The following GLIS3 variants were observed in gnomAD, a reference collection of about 807,000 sequenced individuals.
The protein encoded by GLIS3 is GLIS family zinc finger 3, also known as zinc finger protein GLIS3.
A neutral mutation model predicts 78.6 loss-of-function variants in GLIS3; 53 were observed. That is an observed-to-expected ratio of 0.67 (90% CI 0.54 to 0.85). GLIS3 has a LOEUF of 0.85. Among genes scored for constraint, GLIS3 ranks in the 40% least tolerant of loss-of-function variants. The pLI is 0.00. For synonymous variants in GLIS3, 684 were observed against 509.9 expected (o/e 1.34, Z -4.60); for missense variants, 1,703 against 1,231.1 (o/e 1.38, Z -5.74).
intron 2 of GLIS3, among the ~76,000 whole-genome samples, chr9:4,246,151 T>C (rs936640480): frequency 2.0e-5 from 3 of 152,098 alleles, no homozygotes; most frequent in Admixed American, 2.0e-4. Context: ...CTGAGGCAAG[T>C]AGTTCAAGGC....
the GLIS3 span, among the ~76,000 whole-genome samples, chr9:4,484,628 G>C: frequency 6.6e-6 from 1 of 151,836 alleles, no homozygotes; most frequent in African/African-American, 2.4e-5. Flanking sequence ...TGTTGGCCAG[G>C]CTAGGCTCGA....
intron 2 of GLIS3, among the ~76,000 whole-genome samples, chr9:4,332,551 C>G (rs1373586234): frequency 6.6e-6 from 1 of 152,212 alleles, no homozygotes; most frequent in Non-Finnish European, 1.5e-5. Context: ...GCCTTGCACC[C>G]AGATGGAAGC....
chr9:4,241,799 CAGCCTCCCAAGT>C (rs1487215388), intron 2 of GLIS3, among the ~76,000 whole-genome samples: 1 of 152,140 alleles, frequency 6.6e-6, no homozygotes, highest in African/African-American at 2.4e-5. Context: ...TCTCATTTCT[CAGCCTCCCAAGT>C]AGGTGTGATT....
the GLIS3 span, among the ~76,000 whole-genome samples, chr9:4,393,079 C>T: frequency 6.6e-6 from 1 of 151,990 alleles, no homozygotes; most frequent in East Asian, 1.9e-4. Flanking sequence ...TTATTGTAAT[C>T]AATGGCAGTC....
At chr9:4,354,796 T>C in the GLIS3 span, among the ~76,000 whole-genome samples, 5 of 152,122 alleles carry the variant, frequency 3.3e-5, no homozygotes, top group African/African-American at 1.2e-4. Context: ...AGTCATTCCT[T>C]TGGAATAAGC....
the GLIS3 span, among the ~76,000 whole-genome samples, chr9:4,460,221 A>G: frequency 6.6e-6 from 1 of 152,230 alleles, no homozygotes; most frequent in Non-Finnish European, 1.5e-5. Context: ...ATGTGGATGG[A>G]GAAAGGGGGC....
chr9:4,035,330 T>C (rs1297497203), intron 4 of GLIS3, among the ~76,000 whole-genome samples: 1 of 152,000 alleles, frequency 6.6e-6, no homozygotes, highest in Non-Finnish European at 1.5e-5. Flanking sequence ...TAAAAGCTCC[T>C]GACCAGTGTA....
chr9:4,390,904 A>G, the GLIS3 span, among the ~76,000 whole-genome samples: 1 of 152,178 alleles, frequency 6.6e-6, no homozygotes, highest in Non-Finnish European at 1.5e-5. Flanking sequence ...TACCTTTTTA[A>G]AAAAGTTAAT....
At chr9:4,382,310 G>A in the GLIS3 span, among the ~76,000 whole-genome samples, 7 of 152,176 alleles carry the variant, frequency 4.6e-5, no homozygotes, top group Non-Finnish European at 7.3e-5. Flanking sequence ...AATGAAAACC[G>A]AAATTCAACT....
chr9:3,919,547 C>G (rs117144768), intron 6 of GLIS3, among the ~76,000 whole-genome samples: 1 of 151,310 alleles, frequency 6.6e-6, no homozygotes, highest in South Asian at 2.1e-4. Flanking sequence ...GCTTAATACC[C>G]GGGCAACAAA....
chr9:4,361,762 C>G, the GLIS3 span, among the ~76,000 whole-genome samples: 2 of 152,202 alleles, frequency 1.3e-5, no homozygotes, highest in African/African-American at 4.8e-5. Context: ...CTTTCCTTAC[C>G]TTGTTGTAAC....
chr9:4,107,295 G>A (rs1158959175), intron 4 of GLIS3, among the ~76,000 whole-genome samples: 1 of 152,112 alleles, frequency 6.6e-6, no homozygotes, highest in Non-Finnish European at 1.5e-5. Context: ...GTGTCCTCCT[G>A]GACACACAGG....
chr9:4,321,865 C>T (rs1158899486), intron 2 of GLIS3, among the ~76,000 whole-genome samples: 1 of 152,086 alleles, frequency 6.6e-6, no homozygotes, highest in African/African-American at 2.4e-5. Flanking sequence ...TACACTACCA[C>T]ACCCGATAAT....
intron 4 of GLIS3, among the ~76,000 whole-genome samples, chr9:3,983,383 G>A (rs1819463788): frequency 6.6e-6 from 1 of 152,114 alleles, no homozygotes; most frequent in Non-Finnish European, 1.5e-5. Flanking sequence ...CATGAGAACA[G>A]GCTCATACAG....
chr9:4,062,794 T>G (rs1826762090), intron 4 of GLIS3, among the ~76,000 whole-genome samples: 1 of 152,018 alleles, frequency 6.6e-6, no homozygotes, highest in Non-Finnish European at 1.5e-5. Flanking sequence ...CCAGGCACGG[T>G]GGCGGGCACC....
the GLIS3 span, among the ~76,000 whole-genome samples, chr9:4,488,657 T>C: frequency 0.013 from 1,956 of 152,032 alleles, 45 homozygotes; most frequent in African/African-American, 0.045. Flanking sequence ...ATAGCTGGGA[T>C]TACAGGTGCA....
At chr9:4,210,587 T>A (rs1369700803) in intron 2 of GLIS3, among the ~76,000 whole-genome samples, 1 of 152,234 alleles carries the variant, frequency 6.6e-6, no homozygotes, top group Non-Finnish European at 1.5e-5. Flanking sequence ...CTGGGACTCT[T>A]TTCTTATGTG....
the GLIS3 span, among the ~76,000 whole-genome samples, chr9:4,406,320 C>A: frequency 6.6e-6 from 1 of 152,106 alleles, no homozygotes; most frequent in African/African-American, 2.4e-5. Context: ...ATACATTGTT[C>A]TTTTTTTCTT....
chr9:4,053,961 T>C (rs960425513), intron 4 of GLIS3, among the ~76,000 whole-genome samples: 1 of 152,210 alleles, frequency 6.6e-6, no homozygotes, highest in African/African-American at 2.4e-5. Flanking sequence ...GTTTATCAAA[T>C]AAAAGCCTCC....
Sources: allele counts gnomAD v4.1 joint callset (sites outside exome capture counted in the v4.1 genomes callset), GRCh38; gene constraint gnomAD v4.1.1; transcripts MANE v1.5; gene names NCBI Gene and HGNC (gene_info 2026-07-23, HGNC 2026-07-21).